Variants in CCDC88C observed in about 807,000 individuals in gnomAD.
CCDC88C encodes protein Daple.
CCDC88C carries 131 observed loss-of-function variants against 198.8 expected under a neutral mutation model. That is an observed-to-expected ratio of 0.66 (90% CI 0.57 to 0.76). CCDC88C has a LOEUF of 0.76. Among genes scored for constraint, CCDC88C ranks in the 30% least tolerant of loss-of-function variants. The probability of loss-of-function intolerance (pLI) is 0.00; values close to 1 mark genes in which losing one functional copy is unlikely to be tolerated. For missense variants in CCDC88C, 2,553 were observed against 2,631.6 expected (o/e 0.97, Z 0.65); for synonymous variants, 1,166 against 1,114.7 (o/e 1.05, Z -0.92).
chr14:91,369,550 T>C (rs1317014570), intron 3 of CCDC88C, among the ~76,000 whole-genome samples: 1 of 152,092 alleles, frequency 6.6e-6, no homozygotes, highest in Non-Finnish European at 1.5e-5. Context: ...TTTTTTTACC[T>C]CTGGAACATA....
At chr14:91,323,412 A>G (rs1031610165) in intron 12 of CCDC88C, among the ~76,000 whole-genome samples, 6 of 152,204 alleles carry the variant, frequency 3.9e-5, no homozygotes, top group Admixed American at 2.0e-4. Context: ...GCAGGTAAGG[A>G]AACTAAAGTT....
At chr14:91,334,678 G>C (rs1310837906) in intron 10 of CCDC88C, among the ~76,000 whole-genome samples, 3 of 152,150 alleles carry the variant, frequency 2.0e-5, no homozygotes, top group Non-Finnish European at 2.9e-5. Flanking sequence ...ATATAAACCT[G>C]GGCACACACT....
intron 22 of CCDC88C, 133 bp from the exon 23 acceptor site, chr14:91,294,451 T>C: frequency 9.5e-7 from 1 of 1,049,128 alleles, no homozygotes; most frequent in Non-Finnish European, 1.4e-6. Context: ...AGTGGAAACT[T>C]GGAAAGGGCC....
chr14:91,365,842 C>T (rs777793801), intron 3 of CCDC88C, among the ~76,000 whole-genome samples: 4 of 152,118 alleles, frequency 2.6e-5, no homozygotes, highest in Admixed American at 6.5e-5. Flanking sequence ...CAAATTAACG[C>T]TGGGGAACGG....
chr14:91,284,317 A>G lies in CCDC88C; in HGVS notation c.4442-800T>C, dbSNP rs529705930. On this transcript the variant is annotated intron_variant, in intron 25 of 29. Transcript: ENST00000389857. The surrounding 1 kb of genome is among the most constrained non-coding windows in gnomAD (Gnocchi z 4.1). Reference sequence around the variant, plus strand: ...CTGTTGCAGTTCGGCTTCTCCACCCATCAAGCCGTCTGCCCTCCCAGCCAC... The same window carrying G: ...CTGTTGCAGTTCGGCTTCTCCACCCGTCAAGCCGTCTGCCCTCCCAGCCAC... 1.1e-3 allele frequency among the ~76,000 whole-genome samples: 170 copies of G among 152,246 alleles called. No individual in the cohort carries two copies. Among genetic ancestry groups the G allele is most frequent in the Non-Finnish European group, 2.0e-3 (134 of 68,004 alleles).
chr14:91,313,289 G>T lies in CCDC88C; in HGVS notation c.2527C>A (p.Arg843=). Residue 843 remains arginine, a synonymous_variant, in exon 15 of 30, where the codon CGG becomes AGG. Transcript: ENST00000389857. The surrounding 1 kb of genome is among the most constrained non-coding windows in gnomAD (Gnocchi z 5.2). ...TTGAGCTCCACCTGCTGCCACAGCC[G>T]CTTGGCCTCCTTCTCCAGCAGCTTC... ...DKKLLEKEAK[R]LWQQVELKDA... 1 of 1,613,916 alleles carries T rather than the reference G, an allele frequency of 6.2e-7. No individual in the cohort carries two copies. The highest frequency in any genetic ancestry group is 1.3e-5 in the African/African-American group (1 of 75,056).
At chr14:91,347,159 C>T (rs564851163) in intron 4 of CCDC88C, among the ~76,000 whole-genome samples, 2 of 152,318 alleles carry the variant, frequency 1.3e-5, no homozygotes, top group South Asian at 4.1e-4. Flanking sequence ...GTACCCACCA[C>T]AGGAGCTGAA....
intron 21 of CCDC88C, among the ~76,000 whole-genome samples, chr14:91,298,605 T>C (rs8021214): frequency 0.35 from 53,079 of 151,928 alleles, 9,802 homozygotes; most frequent in Non-Finnish European, 0.42. Context: ...TCAGGTTCTC[T>C]TAAAATATAA....
chr14:91,329,318 T>A (rs369505595), intron 10 of CCDC88C, among the ~76,000 whole-genome samples: 1 of 152,270 alleles, frequency 6.6e-6, no homozygotes, highest in African/African-American at 2.4e-5. Context: ...AAGTTCCAGG[T>A]GGGAACAGAA....
rs141183718 is a variant in CCDC88C at position 91,403,417 on chromosome 14, G to T, written c.270+5242C>A. On this transcript the variant is annotated intron_variant, in intron 3 of 29. Coordinates refer to ENST00000389857, the MANE Select transcript of CCDC88C (RefSeq NM_001080414.4). ...GACAATGAGGCCCTTTCCAGACAAG[G>T]CGCCGGACTGAAGGTGTCCAGGGCA... 4.1e-3 allele frequency among the ~76,000 whole-genome samples: 621 copies of T among 152,280 alleles called. 3 individuals are homozygous for T. Among genetic ancestry groups the T allele is most frequent in the African/African-American group, 0.014 (570 of 41,552 alleles).
chr14:91,319,307 T>C (rs997528323), intron 13 of CCDC88C, among the ~76,000 whole-genome samples: 2 of 152,188 alleles, frequency 1.3e-5, no homozygotes, highest in Non-Finnish European at 2.9e-5. Context: ...CTCTTAACTG[T>C]AGAACAAGAC....
At chr14:91,280,754 T>A (rs982901921) in intron 27 of CCDC88C, among the ~76,000 whole-genome samples, 1 of 152,176 alleles carries the variant, frequency 6.6e-6, no homozygotes, top group African/African-American at 2.4e-5. Context: ...GATGTAAGAC[T>A]CCCATTCATT....
In CCDC88C at chr14:91,339,301, C is replaced by A. The variant is rs368545314; in HGVS notation, c.786G>T (p.Arg262Ser). ...LAVELADTKARLRRVRQELED... is the reference protein window; with the variant it reads ...LAVELADTKASLRRVRQELED... ...ACAGCTCCTGCCTGACGCGCCGCAG[C>A]CTGGCCTTGGTGTCGGCCAGCTCTA... The change falls in exon 8 of 30, where the codon AGG (arginine) becomes AGT (serine). Residue 262 changes from arginine to serine, a missense_variant. Arg to Ser is a moderately radical substitution (Grantham distance 110). Transcript: ENST00000389857. This position sits in a 1 kb window ranked among gnomAD's most constrained non-coding sequence, Gnocchi z 5.8. 10 of 1,613,038 alleles carry A rather than the reference C, an allele frequency of 6.2e-6. No individual in the cohort carries two copies. In the African/African-American group the frequency reaches 1.1e-4, roughly 17 times the overall value.
Position 91,303,976 on chromosome 14 carries a change from C to T in CCDC88C, c.3360G>A (p.Val1120=), listed in dbSNP as rs765105296. ...TCTGGGAACTCAGCGTGGAGTTCTCCACCTGCCGAGAGGGAGAAGCGCGGC... is the reference window on the plus strand; with the variant it reads ...TCTGGGAACTCAGCGTGGAGTTCTCTACCTGCCGAGAGGGAGAAGCGCGGC... ...TLQTQTAKLQ[V]ENSTLSSQSA... Residue 1120 remains valine (V), a splice_region_variant and synonymous_variant, in exon 20 of 30, where the codon GTG becomes GTA. Coordinates refer to ENST00000389857, the MANE Select transcript of CCDC88C (RefSeq NM_001080414.4). 6.3e-7 allele frequency: 1 copy of T among 1,597,940 alleles called. No individual in the cohort carries two copies.
At position 91,273,699 on chromosome 14, in the gene CCDC88C, T is replaced by C. The variant is rs777866370; in HGVS notation, c.5059-46A>G. The C allele has an allele frequency of 2.1e-6, 3 of 1,403,574 alleles. No homozygotes were observed. In the South Asian group the frequency reaches 5.7e-5, roughly 26 times the overall value. The allele number at this position is 1,403,574 out of a possible 1,614,324, so 86.9% of individuals were successfully genotyped here. ...GTTGGAGGTGGGCATGAGGGTTGGG[T>C]GGGTCCTTGGAGCCGCCTCCTGCGC... On this transcript the variant is annotated intron_variant, in intron 29 of 29. Coordinates refer to ENST00000389857, the MANE Select transcript of CCDC88C (RefSeq NM_001080414.4). This position sits in a 1 kb window ranked among gnomAD's most constrained non-coding sequence, Gnocchi z 5.6.
chr14:91,291,865 G>A (rs182585860), intron 23 of CCDC88C, among the ~76,000 whole-genome samples: 12 of 152,302 alleles, frequency 7.9e-5, no homozygotes, highest in South Asian at 6.2e-4. Context: ...TCTGCTTACC[G>A]GGGAGACCTT....
intron 25 of CCDC88C, among the ~76,000 whole-genome samples, chr14:91,286,341 T>C (rs1890408806): frequency 6.6e-6 from 1 of 152,332 alleles, no homozygotes; most frequent in Admixed American, 6.5e-5. Flanking sequence ...CTAATGATTC[T>C]GTATCTCTAA....
intron 22 of CCDC88C, among the ~76,000 whole-genome samples, chr14:91,295,688 G>A (rs887944841): frequency 4.6e-5 from 7 of 152,206 alleles, no homozygotes; most frequent in South Asian, 2.1e-4. Flanking sequence ...TAGGAGGAGC[G>A]GCGAGCACGG....
rs201803779 is a variant in CCDC88C, at chr14:91,309,961, C to T, written c.2762G>A (p.Ser921Asn). 6.2e-7 allele frequency: 1 copy of T among 1,601,692 alleles called. No homozygotes were observed. Among genetic ancestry groups the T allele is most frequent in the Admixed American group, 1.7e-5 (1 of 58,356 alleles). The change falls in exon 16 of 30, where the codon AGC becomes AAC. Residue 921 changes from serine to asparagine, a missense_variant. Coordinates refer to ENST00000389857, the MANE Select transcript of CCDC88C (RefSeq NM_001080414.4). ...REDLVLEKLK[S>N]QQLSSELDKL... Reference sequence around the variant, plus strand: ...GTCCAGCTCACTGCTGAGCTGCTGGCTCTTCAGCTTCTCGAGCACCAGGTC... The same window carrying T: ...GTCCAGCTCACTGCTGAGCTGCTGGTTCTTCAGCTTCTCGAGCACCAGGTC...
Sources: allele counts gnomAD v4.1 joint callset (sites outside exome capture counted in the v4.1 genomes callset), GRCh38; gene constraint gnomAD v4.1.1; non-coding constraint Gnocchi (gnomAD v3.1); transcripts MANE v1.5; gene names NCBI Gene and HGNC (gene_info 2026-07-23, HGNC 2026-07-21).